The following OSTM1 variants were observed in gnomAD, a reference collection of about 807,000 sequenced individuals.
The protein encoded by OSTM1 is osteoclastogenesis associated transmembrane protein 1.
Under a neutral mutation model 35.4 loss-of-function variants are expected in OSTM1, and 26 were observed. That is an observed-to-expected ratio of 0.73 (90% confidence interval 0.54 to 1.02). The LOEUF (loss-of-function observed/expected upper bound fraction) is 1.02, where lower values mean the gene tolerates loss of function less well. Ranked by LOEUF, OSTM1 falls within the 50% of genes least tolerant of loss-of-function variation. The probability of loss-of-function intolerance (pLI) is 0.00; values close to 1 mark genes in which losing one functional copy is unlikely to be tolerated. For synonymous variants in OSTM1, 181 were observed against 165.0 expected (o/e 1.10, Z -0.75); for missense variants, 366 against 409.6 (o/e 0.89, Z 0.92).
At chr6:108,072,166 T>C (rs1204126420) in intron 1 of OSTM1, among the ~76,000 whole-genome samples, 5 of 152,170 alleles carry the variant, frequency 3.3e-5, no homozygotes, top group African/African-American at 1.2e-4. Flanking sequence ...CTAAAACAAC[T>C]CATCTTAACC....
At position 108,049,729 on chromosome 6, in the gene OSTM1, C is replaced by A. The variant is rs1772043829; in HGVS notation, c.784-311G>T. 3 of 273,014 alleles carry A rather than the reference C, an allele frequency of 1.1e-5. 1 individual carries two copies. The South Asian group carries it at 1.8e-4, about 16-fold the overall frequency. The allele number at this position is 273,014 out of a possible 1,614,324, so 16.9% of individuals were successfully genotyped here. On this transcript the variant is annotated intron_variant, in intron 4 of 5. Transcript: ENST00000193322. ...TTATATGAAGAGGAATATAGTTAGG[C>A]CCTGTTTTATTCATTTACAAAATAT...
chr6:108,072,820 C>A (rs1772509761), intron 1 of OSTM1, among the ~76,000 whole-genome samples: 1 of 151,974 alleles, frequency 6.6e-6, no homozygotes, highest in Non-Finnish European at 1.5e-5. Context: ...TGCAGTAGTG[C>A]AATCTTGGCT....
chr6:108,061,145 TA>T (rs34221709), intron 2 of OSTM1, among the ~76,000 whole-genome samples: 110 of 148,450 alleles, frequency 7.4e-4, no homozygotes, highest in Non-Finnish European at 1.2e-3. Context: ...AAGGATATGC[TA>T]AAAAAAAAAG....
In OSTM1 at chr6:108,074,638, G is replaced by T. The variant is rs368859294; in HGVS notation, c.14C>A (p.Pro5Gln). MEPG[P>Q]TAAQRRCSLP... ...CGAACACCTCCGCTGCGCGGCTGTC[G>T]GGCCCGGCTCCATCACCGGGCTCAC... Residue 5 changes from proline to glutamine, a missense_variant, in exon 1 of 6, where the codon CCG becomes CAG. Pro to Gln is a moderately conservative substitution (Grantham distance 76). Transcript: ENST00000193322. The T allele has an allele frequency of 6.4e-7, 1 of 1,551,052 alleles. No homozygotes were observed.
chr6:108,069,961 A>G (rs1772451819), intron 1 of OSTM1, among the ~76,000 whole-genome samples: 1 of 152,120 alleles, frequency 6.6e-6, no homozygotes, highest in South Asian at 2.1e-4. Context: ...CATTCACACT[A>G]AAGAAGGGTA....
rs754095587 is a variant in OSTM1, at chr6:108,074,414, G to C, written c.238C>G (p.Leu80Val). The C allele has an allele frequency of 5.1e-6, 8 of 1,567,726 alleles. No homozygotes were observed. The Middle Eastern group carries it at 1.0e-3, about 196-fold the overall frequency. The part of the protein sequence containing the change: ...PLSLPPDLPD[L>V]DPECRELLLD... ...AGGAGCTCCCGGCACTCAGGATCCA[G>C]ATCCGGCAGGTCCGGGGGCAGCGAC... Residue 80 changes from leucine to valine, a missense_variant, in exon 1 of 6, where the codon CTG becomes GTG. Leu to Val is a conservative substitution (Grantham distance 32, BLOSUM62 1). Around this residue, in one of 3 missense-constraint regions of OSTM1, gnomAD observed 236 missense variants for 239.3 expected, o/e 0.99. Transcript: ENST00000193322.
At chr6:108,045,660 C>T (rs1429548020) in intron 5 of OSTM1, among the ~76,000 whole-genome samples, 2 of 152,076 alleles carry the variant, frequency 1.3e-5, no homozygotes, top group Non-Finnish European at 1.5e-5. Context: ...TAACAAAATA[C>T]GTTACCATCA....
intron 3 of OSTM1, among the ~76,000 whole-genome samples, chr6:108,054,023 C>A (rs910177422): frequency 6.6e-6 from 1 of 152,134 alleles, no homozygotes; most frequent in Non-Finnish European, 1.5e-5. Context: ...TTAAAGCTAC[C>A]TTTTATTATC....
At chr6:108,052,764 T>G (rs1284136970) in intron 3 of OSTM1, among the ~76,000 whole-genome samples, 1 of 152,170 alleles carries the variant, frequency 6.6e-6, no homozygotes, top group Non-Finnish European at 1.5e-5. Flanking sequence ...AAAGAGTCCT[T>G]GTTTCCAAAG....
intron 5 of OSTM1, among the ~76,000 whole-genome samples, chr6:108,046,666 G>C (rs1477828821): frequency 6.6e-6 from 1 of 152,122 alleles, no homozygotes; most frequent in African/African-American, 2.4e-5. Flanking sequence ...TCTATCAACT[G>C]TAAGTGGAAA....
rs529254968 is a variant in OSTM1, at chr6:108,044,506, A to G, written c.*279T>C. Reference sequence around the variant, plus strand: ...TCTAGAATAGTAATCAAATGCCTATAAAATAAAATAATGATTGTTCTTGCA... The same window carrying G: ...TCTAGAATAGTAATCAAATGCCTATGAAATAAAATAATGATTGTTCTTGCA... On this transcript the variant is annotated 3_prime_UTR_variant, in exon 6 of 6. Transcript: ENST00000193322. The G allele has an allele frequency of 4.7e-4, 116 of 248,114 alleles. No homozygotes were observed. Among genetic ancestry groups the G allele is most frequent in the Non-Finnish European group, 4.6e-5 (6 of 130,662 alleles). 15.4% of individuals were successfully genotyped at this position (248,114 alleles called of 1,614,324 possible).
intron 1 of OSTM1, among the ~76,000 whole-genome samples, chr6:108,066,296 A>G (rs972314467): frequency 6.6e-6 from 1 of 152,204 alleles, no homozygotes; most frequent in African/African-American, 2.4e-5. Context: ...TGATGGCAAC[A>G]GTGAGGACAG....
Position 108,074,658 on chromosome 6 carries a change from G to A in OSTM1, c.-7C>T, listed in dbSNP as rs757046112. On this transcript the variant is annotated 5_prime_UTR_variant, in exon 1 of 6. Transcript: ENST00000193322. ...CTGTCGGGCCCGGCTCCATCACCGG[G>A]CTCACACACCCCAGGGAGCCCACCG... 3 of 1,540,638 alleles carry A rather than the reference G, an allele frequency of 1.9e-6. No individual in the cohort carries two copies. Among genetic ancestry groups the A allele is most frequent in the Admixed American group, 1.9e-5 (1 of 51,946 alleles).
intron 1 of OSTM1, among the ~76,000 whole-genome samples, chr6:108,067,889 C>T (rs1772408615): frequency 6.7e-6 from 1 of 149,656 alleles, no homozygotes; most frequent in Admixed American, 6.7e-5. Flanking sequence ...CTGAGTCCCA[C>T]ATTGCTCTTT....
At chr6:108,074,193 C>T (rs1772540476) in intron 1 of OSTM1, 57 bp downstream of exon 1, 1 of 1,566,636 alleles carries the variant, frequency 6.4e-7, no homozygotes, top group Admixed American at 1.7e-5. Flanking sequence ...CATCATTACA[C>T]CCTCCTCCTT....
intron 1 of OSTM1, among the ~76,000 whole-genome samples, chr6:108,072,350 T>C (rs146178940): frequency 2.0e-5 from 3 of 152,278 alleles, no homozygotes; most frequent in East Asian, 3.9e-4. Flanking sequence ...AAATATGTCC[T>C]TGGCCAGGTG....
intron 2 of OSTM1, among the ~76,000 whole-genome samples, chr6:108,058,114 A>G (rs1018927472): frequency 6.6e-6 from 1 of 150,406 alleles, no homozygotes; most frequent in Non-Finnish European, 1.5e-5. Flanking sequence ...GCACTGGCAT[A>G]ATCTCAGCTC....
chr6:108,065,970 C>T (rs940967792), intron 1 of OSTM1, among the ~76,000 whole-genome samples: 1 of 138,260 alleles, frequency 7.2e-6, no homozygotes, highest in Non-Finnish European at 1.6e-5. Context: ...ATGAACTAAG[C>T]CCTATATTGA....
At chr6:108,051,912 A>G (rs1772080355) in intron 3 of OSTM1, among the ~76,000 whole-genome samples, 1 of 152,252 alleles carries the variant, frequency 6.6e-6, no homozygotes, top group Non-Finnish European at 1.5e-5. Context: ...GTCAGTTCAC[A>G]CCTTTGCTTT....
Sources: allele counts gnomAD v4.1 joint callset (sites outside exome capture counted in the v4.1 genomes callset), GRCh38; gene constraint gnomAD v4.1.1; regional missense constraint gnomAD v4.1.1; transcripts MANE v1.5; gene names NCBI Gene and HGNC (gene_info 2026-07-23, HGNC 2026-07-21).